Variants in PASD1 observed in about 807,000 individuals in gnomAD.
PASD1 encodes the protein circadian clock protein PASD1.
A neutral mutation model predicts 58.8 loss-of-function variants in PASD1; 13 were observed. The observed-to-expected ratio is 0.22, with a 90% CI of 0.14 to 0.35. The LOEUF (loss-of-function observed/expected upper bound fraction) is 0.35. Ranked by LOEUF, PASD1 falls within the 10% of genes least tolerant of loss-of-function variation. PASD1 has a pLI of 1.00. For synonymous variants in PASD1, 236 were observed against 216.7 expected (o/e 1.09, Z -0.78); for missense variants, 734 against 568.3 (o/e 1.29, Z -2.96).
chrX:151,585,219 C>G (rs1188132309), intron 1 of PASD1, among the ~76,000 whole-genome samples: 1 of 112,127 alleles, frequency 8.9e-6, no homozygotes, highest in Non-Finnish European at 1.9e-5. Context: ...TTATACCAGA[C>G]TCTCTGGATT....
In PASD1 at chrX:151,672,236, GGAGCAGCTGCAACAGCTGAGA is replaced by G. The variant is rs1467818614; in HGVS notation, c.1497_1517del (p.Leu500_Gln506del). 5.6e-5 allele frequency: 65 copies of G among 1,155,229 alleles called. No individual in the cohort carries two copies. Among genetic ancestry groups the G allele is most frequent in the Non-Finnish European group, 7.0e-5 (61 of 865,475 alleles). On this transcript the variant is annotated inframe_deletion, in exon 14 of 16. Transcript: ENST00000370357. ...TGAAGGAGCAGCAGCGGCAGCTGCG[GGAGCAGCTGCAACAGCTGAGA>G]GAGCAAAGGAAGGTGCAGAAGCAGA...
intron 9 of PASD1, among the ~76,000 whole-genome samples, chrX:151,659,213 C>G: frequency 8.9e-6 from 1 of 112,390 alleles, no homozygotes; most frequent in Non-Finnish European, 1.9e-5. Context: ...TTTTCTTGCT[C>G]TAAGCCTAGG....
chrX:151,667,017 C>A (rs1366487861), intron 11 of PASD1, among the ~76,000 whole-genome samples: 32 of 110,861 alleles, frequency 2.9e-4, no homozygotes, highest in Non-Finnish European at 5.3e-4. Context: ...TAAAAGTGTT[C>A]CTATTTCTCC....
intron 8 of PASD1, among the ~76,000 whole-genome samples, chrX:151,638,223 C>T (rs753212463): frequency 9.6e-4 from 105 of 109,169 alleles, no homozygotes; most frequent in Non-Finnish European, 7.6e-4. Context: ...CATGTTCTCA[C>T]TCATAGGTGG....
chrX:151,635,734 A>T lies in PASD1; in HGVS notation c.629+10204A>T, dbSNP rs1038832408. Among the ~76,000 whole-genome samples the T allele has an allele frequency of 2.7e-5, 3 of 111,794 alleles. No individual in the cohort carries two copies. The Admixed American group carries it at 2.8e-4, about 11-fold the overall frequency. On this transcript the variant is annotated intron_variant, in intron 8 of 15. Coordinates refer to ENST00000370357, the MANE Select transcript of PASD1 (RefSeq NM_173493.3). ...CATGTAGTAAAATACACCTATCTTA[A>T]GTCTATCATTCCATGAGCTTTGAAT...
At chrX:151,611,793 TTTG>T in intron 4 of PASD1, 40 bp downstream of exon 4, 3 of 1,046,965 alleles carry the variant, frequency 2.9e-6, no homozygotes, top group Non-Finnish European at 4.0e-6. Context: ...ATCATTCTGG[TTTG>T]TTGTTTAGGG....
At chrX:151,646,307 G>A (rs777366306) in intron 8 of PASD1, among the ~76,000 whole-genome samples, 45 of 112,157 alleles carry the variant, frequency 4.0e-4, no homozygotes, top group Non-Finnish European at 7.5e-4. Context: ...TAAGTCGGTG[G>A]ATTTGAAACA....
At chrX:151,591,458 C>A (rs1014149353) in intron 1 of PASD1, among the ~76,000 whole-genome samples, 1 of 111,873 alleles carries the variant, frequency 8.9e-6, no homozygotes, top group African/African-American at 3.2e-5. Context: ...TTCAGTAATA[C>A]AATTTGATGG....
intron 10 of PASD1, among the ~76,000 whole-genome samples, chrX:151,662,214 C>A (rs1446948423): frequency 1.8e-5 from 2 of 111,062 alleles, no homozygotes; most frequent in African/African-American, 6.6e-5. Context: ...CTCTTTCATT[C>A]ATTTATTCGT....
chrX:151,604,941 T>A (rs757586079), intron 3 of PASD1, among the ~76,000 whole-genome samples: 2 of 112,138 alleles, frequency 1.8e-5, no homozygotes, highest in African/African-American at 6.5e-5. Context: ...ATGCTTCCTA[T>A]GCCAACTGAG....
intron 1 of PASD1, among the ~76,000 whole-genome samples, chrX:151,580,113 A>G (rs905636770): frequency 1.8e-5 from 2 of 111,349 alleles, no homozygotes; most frequent in African/African-American, 6.5e-5. Flanking sequence ...CTTCATTTTT[A>G]TTTCTCCCTC....
rs754804839 is a variant in PASD1 at position 151,671,776 on chromosome X, C to T, written c.1434C>T (p.Asn478=). Residue 478 remains asparagine, a synonymous_variant, in exon 13 of 16, where the codon AAC becomes AAT. Coordinates refer to ENST00000370357, the MANE Select transcript of PASD1 (RefSeq NM_173493.3). ...TTCAGGAGCCTTGTGTTGCCTTCAA[C>T]CAGGTATGGAAAGGCTGTTTTAACT... ...GELQEPCVAF[N]QQQLVQQEQH... 1.7e-6 allele frequency: 2 copies of T among 1,201,942 alleles called. No individual in the cohort carries two copies. Among genetic ancestry groups the T allele is most frequent in the South Asian group, 3.5e-5 (2 of 56,721 alleles).
chrX:151,629,966 G>A lies in PASD1; in HGVS notation c.629+4436G>A, dbSNP rs56086961. ...AGGAGCCAGCTACCACATCTATGCC[G>A]TAATCTTCATAAGATACATAATAAA... is the stretch of plus-strand genomic sequence containing the variant. On this transcript the variant is annotated intron_variant, in intron 8 of 15. Coordinates refer to ENST00000370357, the MANE Select transcript of PASD1 (RefSeq NM_173493.3). Among the ~76,000 whole-genome samples, 354 of 111,564 alleles carry A rather than the reference G, an allele frequency of 3.2e-3. 2 individuals carry two copies. Among genetic ancestry groups the A allele is most frequent in the African/African-American group, 0.011 (344 of 30,684 alleles).
chrX:151,655,909 T>A (rs1484092926), intron 9 of PASD1, among the ~76,000 whole-genome samples: 3 of 112,207 alleles, frequency 2.7e-5, no homozygotes, highest in Non-Finnish European at 5.6e-5. Context: ...TTTTGGTGTT[T>A]TAGACATGAA....
chrX:151,566,521 A>G (rs1374799017), intron 1 of PASD1, among the ~76,000 whole-genome samples: 3 of 111,589 alleles, frequency 2.7e-5, no homozygotes, highest in African/African-American at 9.8e-5. Flanking sequence ...AAGAGGAGGG[A>G]TCAGTTTGAG....
intron 4 of PASD1, among the ~76,000 whole-genome samples, chrX:151,620,707 G>A (rs1489095124): frequency 9.0e-6 from 1 of 110,892 alleles, no homozygotes; most frequent in Non-Finnish European, 1.9e-5. Flanking sequence ...ATGGTAGAGG[G>A]AAAGAGCACA....
At chrX:151,582,210 T>C (rs2013109309) in intron 1 of PASD1, among the ~76,000 whole-genome samples, 1 of 110,484 alleles carries the variant, frequency 9.1e-6, no homozygotes, top group African/African-American at 3.3e-5. Context: ...GTGGTCTCTC[T>C]CCTGACCTCG....
At chrX:151,575,022 A>G (rs1243257214) in intron 1 of PASD1, among the ~76,000 whole-genome samples, 1 of 111,528 alleles carries the variant, frequency 9.0e-6, no homozygotes, top group African/African-American at 3.3e-5. Context: ...CAGAAAAAGG[A>G]GAATTTCCTT....
chrX:151,647,383 TTAAA>T (rs1284179263), intron 8 of PASD1, among the ~76,000 whole-genome samples: 3 of 111,087 alleles, frequency 2.7e-5, no homozygotes, highest in African/African-American at 6.5e-5. Context: ...AATTTTGTTT[TTAAA>T]TAATATGTGG....
Sources: allele counts gnomAD v4.1 joint callset (sites outside exome capture counted in the v4.1 genomes callset), GRCh38; gene constraint gnomAD v4.1.1; transcripts MANE v1.5; gene names NCBI Gene and HGNC (gene_info 2026-07-23, HGNC 2026-07-21).